CTIF: variants seen among roughly 807,000 people sequenced by gnomAD.
The protein encoded by CTIF is cap binding complex dependent translation initiation factor, also known as CBP80/20-dependent translation initiation factor.
CTIF carries 21 observed loss-of-function variants against 66.0 expected under a neutral mutation model. The observed-to-expected ratio is 0.32, with a 90% CI of 0.23 to 0.46. The LOEUF is 0.46. Among genes scored for constraint, CTIF ranks in the 20% least tolerant of loss-of-function variants. The pLI is 1.00. For synonymous variants in CTIF, 345 were observed against 326.4 expected, an observed-to-expected ratio of 1.06 and a Z score of -0.62; for missense variants, 739 against 812.7, an observed-to-expected ratio of 0.91 and a Z score of 1.10.
intron 9 of CTIF, among the ~76,000 whole-genome samples, chr18:48,770,880 C>G (rs961298840): frequency 3.3e-5 from 5 of 152,194 alleles, no homozygotes; most frequent in African/African-American, 1.2e-4. Context: ...TCGGATGGCT[C>G]CATCAGTGTG....
At chr18:48,557,775 C>A (rs1239990508) in intron 1 of CTIF, among the ~76,000 whole-genome samples, 1 of 152,232 alleles carries the variant, frequency 6.6e-6, no homozygotes, top group Non-Finnish European at 1.5e-5. Context: ...TCTCTTCCTG[C>A]CTTGCAGACA....
At chr18:48,768,844 CAG>C (rs1909831811) in intron 9 of CTIF, among the ~76,000 whole-genome samples, 1 of 152,160 alleles carries the variant, frequency 6.6e-6, no homozygotes, top group Non-Finnish European at 1.5e-5. Context: ...GTCAAGGCTG[CAG>C]AGAGCTAGGT....
intron 6 of CTIF, among the ~76,000 whole-genome samples, chr18:48,674,480 G>A (rs1444414076): frequency 2.6e-5 from 4 of 152,236 alleles, no homozygotes; most frequent in East Asian, 3.9e-4. Context: ...CACACAGAGC[G>A]CATGCCACAA....
chr18:48,860,021 C>G lies in CTIF; in HGVS notation c.*462C>G, dbSNP rs760376334. 2.3e-6 allele frequency: 1 copy of G among 443,904 alleles called. No homozygotes were observed. The highest frequency in any genetic ancestry group is 2.0e-5 in the African/African-American group (1 of 49,900). 27.5% of individuals were successfully genotyped at this position (443,904 alleles called of 1,614,324 possible). A position where few individuals can be genotyped will look rare whatever the true frequency, so the allele number is the denominator to read the frequency against. On this transcript the variant is annotated 3_prime_UTR_variant, in exon 12 of 12. Coordinates refer to ENST00000256413, the MANE Select transcript of CTIF (RefSeq NM_014772.3). ...CGCATTGTTCCCGCATGCTGTCAGC[C>G]GCAGTCGCCAACTGGCAGCAGGCGA...
intron 1 of CTIF, among the ~76,000 whole-genome samples, chr18:48,586,985 G>A (rs1374825813): frequency 6.6e-6 from 1 of 151,880 alleles, no homozygotes; most frequent in Non-Finnish European, 1.5e-5. Flanking sequence ...GGGTCCCTTA[G>A]CCAGGCTCCC....
intron 1 of CTIF, among the ~76,000 whole-genome samples, chr18:48,618,056 G>A (rs936338128): frequency 1.3e-5 from 2 of 152,206 alleles, no homozygotes; most frequent in Non-Finnish European, 2.9e-5. Context: ...CCTCACCCTC[G>A]GAGAAGGCAG....
intron 1 of CTIF, among the ~76,000 whole-genome samples, chr18:48,552,511 T>G (rs1030464556): frequency 6.6e-6 from 1 of 152,194 alleles, no homozygotes; most frequent in African/African-American, 2.4e-5. Context: ...GAAGGCTCAA[T>G]TTTTCATAGA....
intron 3 of CTIF, among the ~76,000 whole-genome samples, chr18:48,659,385 G>A (rs1265823895): frequency 5.9e-5 from 9 of 152,130 alleles, no homozygotes; most frequent in Non-Finnish European, 7.4e-5. Context: ...CCAGCTCAGC[G>A]GCTGGGGTCC....
chr18:48,540,924 G>T (rs1458032597), intron 1 of CTIF, among the ~76,000 whole-genome samples: 1 of 152,162 alleles, frequency 6.6e-6, no homozygotes, highest in Non-Finnish European at 1.5e-5. Context: ...GCGTGTGCTG[G>T]TCTTCGGTGC....
chr18:48,759,696 A>G (rs1908766715), intron 8 of CTIF, among the ~76,000 whole-genome samples: 1 of 152,250 alleles, frequency 6.6e-6, no homozygotes, highest in Non-Finnish European at 1.5e-5. Context: ...TGAAGGTTAA[A>G]TGAAATAACG....
At chr18:48,722,127 C>T (rs2092343561) in intron 7 of CTIF, among the ~76,000 whole-genome samples, 1 of 151,824 alleles carries the variant, frequency 6.6e-6, no homozygotes, top group Non-Finnish European at 1.5e-5. Flanking sequence ...GCCATGCCTG[C>T]TGCCCCTGTG....
intron 7 of CTIF, among the ~76,000 whole-genome samples, chr18:48,753,342 A>G (rs1908020919): frequency 6.6e-6 from 1 of 152,264 alleles, no homozygotes. Flanking sequence ...GGGAACGATT[A>G]TGAAATAAAA....
At chr18:48,820,907 C>G (rs887097355) in intron 10 of CTIF, among the ~76,000 whole-genome samples, 2 of 152,234 alleles carry the variant, frequency 1.3e-5, no homozygotes, top group African/African-American at 4.8e-5. Flanking sequence ...CCCCTTCATT[C>G]TGAGGTCCAA....
chr18:48,675,979 A>G (rs749191928), intron 6 of CTIF, among the ~76,000 whole-genome samples: 11 of 152,142 alleles, frequency 7.2e-5, no homozygotes, highest in African/African-American at 2.4e-4. Flanking sequence ...TGAAATCCGA[A>G]TTGCATATCC....
chr18:48,595,178 T>A (rs1282812067), intron 1 of CTIF, among the ~76,000 whole-genome samples: 1 of 152,124 alleles, frequency 6.6e-6, no homozygotes, highest in Non-Finnish European at 1.5e-5. Flanking sequence ...CACCTGGGCT[T>A]CTTGTGGCCT....
intron 7 of CTIF, among the ~76,000 whole-genome samples, chr18:48,713,668 A>G (rs931644059): frequency 2.0e-5 from 3 of 152,156 alleles, no homozygotes; most frequent in Non-Finnish European, 2.9e-5. Context: ...GGCTGGGGCC[A>G]GGGAAGAGGA....
chr18:48,609,589 G>T (rs1401077617), intron 1 of CTIF, among the ~76,000 whole-genome samples: 2 of 152,126 alleles, frequency 1.3e-5, no homozygotes, highest in Non-Finnish European at 2.9e-5. Context: ...CCAACAGCAC[G>T]CAGAGAAAAG....
At chr18:48,572,336 G>T (rs1568040291) in intron 1 of CTIF, among the ~76,000 whole-genome samples, 1 of 152,144 alleles carries the variant, frequency 6.6e-6, no homozygotes, top group Non-Finnish European at 1.5e-5. Context: ...GGGCACCATA[G>T]CCTCCCCAAG....
At chr18:48,652,011 G>T (rs2091163744) in intron 3 of CTIF, among the ~76,000 whole-genome samples, 1 of 152,200 alleles carries the variant, frequency 6.6e-6, no homozygotes, top group South Asian at 2.1e-4. Flanking sequence ...ACAAGAGAAA[G>T]CAGGAAAGAT....
Sources: allele counts gnomAD v4.1 joint callset (sites outside exome capture counted in the v4.1 genomes callset), GRCh38; gene constraint gnomAD v4.1.1; transcripts MANE v1.5; gene names NCBI Gene and HGNC (gene_info 2026-07-23, HGNC 2026-07-21).